Variants in SCIN observed in about 807,000 individuals in gnomAD.
SCIN encodes adseverin.
SCIN carries 91 observed loss-of-function variants against 91.8 expected under a neutral mutation model. The ratio of observed to expected loss-of-function variants is 0.99; its 90% CI spans 0.84 to 1.18. The LOEUF is 1.18. SCIN is among the 50% of genes most tolerant of loss of function. SCIN has a pLI of 0.00. For synonymous variants in SCIN, 367 were observed against 312.6 expected (o/e 1.17, Z -1.84); for missense variants, 1,087 against 863.9 (o/e 1.26, Z -3.24).
In SCIN at chr7:12,657,572, A is replaced by ATATATTTTTT. The variant is rs1554298408; in HGVS notation, c.*4858_*4859insATATTTTTTT. 1 of 22,088 alleles carries ATATATTTTTT rather than the reference A, an allele frequency of 4.5e-5. No individual in the cohort carries two copies. Among genetic ancestry groups the ATATATTTTTT allele is most frequent in the Non-Finnish European group, 1.3e-4 (1 of 7,720 alleles). 1.4% of individuals were successfully genotyped at this position (22,088 alleles called of 1,614,324 possible). ...TATATATATATATATATATATATAT[A>ATATATTTTTT]TTTTTTTTTTTTTTTTTTTTTTTTT... On this transcript the variant is annotated 3_prime_UTR_variant, in exon 16 of 16. Transcript: ENST00000297029.
intron 4 of SCIN, among the ~76,000 whole-genome samples, chr7:12,611,688 C>A (rs1168357790): frequency 1.3e-5 from 2 of 152,120 alleles, no homozygotes; most frequent in Non-Finnish European, 2.9e-5. Context: ...ATCCCTCTCA[C>A]GACCACTTTG....
At chr7:12,572,341 G>A (rs902422342) in intron 1 of SCIN, among the ~76,000 whole-genome samples, 1 of 152,156 alleles carries the variant, frequency 6.6e-6, no homozygotes, top group African/African-American at 2.4e-5. Flanking sequence ...GTAATACACA[G>A]TCATCTATTT....
rs937362669 is a variant in SCIN, at chr7:12,654,116, C to A, written c.*1401C>A. 4 of 151,820 alleles carry A rather than the reference C, an allele frequency of 2.6e-5. No homozygotes were observed. Among genetic ancestry groups the A allele is most frequent in the African/African-American group, 9.7e-5 (4 of 41,290 alleles). The allele number at this position is 151,820 out of a possible 1,614,324, so 9.4% of individuals were successfully genotyped here. Reference sequence around the variant, plus strand: ...AGCCAAAAGCTCAGAATTGTTGGGCCCTAAAGGATGAACAATGTAGGGTCC... The same window carrying A: ...AGCCAAAAGCTCAGAATTGTTGGGCACTAAAGGATGAACAATGTAGGGTCC... On this transcript the variant is annotated 3_prime_UTR_variant, in exon 16 of 16. Coordinates refer to ENST00000297029, the MANE Select transcript of SCIN (RefSeq NM_001112706.3).
In SCIN at chr7:12,578,213, T is replaced by G. The variant is rs1193989142; in HGVS notation, c.349T>G (p.Tyr117Asp). 1 of 1,546,506 alleles carries G rather than the reference T, an allele frequency of 6.5e-7. No individual in the cohort carries two copies. The highest frequency in any genetic ancestry group is 8.7e-7 in the Non-Finnish European group (1 of 1,144,732). The change falls in exon 2 of 16, where the codon TAC becomes GAC. Residue 117 changes from tyrosine to aspartate, a missense_variant. By Grantham distance (160) the Tyr-to-Asp change is radical. Coordinates refer to ENST00000297029, the MANE Select transcript of SCIN (RefSeq NM_001112706.3). ...TAGCTATTTCAAAGGCGGTCTGAAA[T>G]ACAAGGTAAGCAGCTCCCTCAGTTT... The part of the protein sequence containing the change: ...FVSYFKGGLK[Y>D]KAGGVASGLN...
intron 3 of SCIN, among the ~76,000 whole-genome samples, chr7:12,585,167 C>G (rs950485815): frequency 6.6e-6 from 1 of 152,208 alleles, no homozygotes; most frequent in Admixed American, 6.5e-5. Context: ...CAGACTTTCA[C>G]TCTCACAGTT....
intron 8 of SCIN, among the ~76,000 whole-genome samples, chr7:12,628,182 G>A (rs1379067579): frequency 6.6e-6 from 1 of 152,098 alleles, no homozygotes; most frequent in Non-Finnish European, 1.5e-5. Flanking sequence ...TGCTGAAGAT[G>A]AGGAGGCAGA....
At chr7:12,625,451 T>TTTTTTTTTTTTTTTTTTTTTTTTTTTC (rs1554295412) in intron 6 of SCIN, among the ~76,000 whole-genome samples, 1 of 146,638 alleles carries the variant, frequency 6.8e-6, no homozygotes. Context: ...TTTTTTTTTT[T>TTTTTTTTTTTTTTTTTTTTTTTTTTTC]CCGTCGCCCA....
intron 1 of SCIN, among the ~76,000 whole-genome samples, chr7:12,576,021 T>C (rs1358633696): frequency 6.6e-6 from 1 of 152,238 alleles, no homozygotes; most frequent in African/African-American, 2.4e-5. Context: ...AGTTCATTCA[T>C]TAACTTCATG....
At chr7:12,621,458 A>T (rs182113576) in intron 4 of SCIN, among the ~76,000 whole-genome samples, 229 of 152,116 alleles carry the variant, frequency 1.5e-3, no homozygotes, top group Admixed American at 2.7e-3. Flanking sequence ...GGGTCCGCCC[A>T]CTGGGAGGTT....
chr7:12,581,267 C>G, intron 3 of SCIN, 46 bp downstream of exon 3: 1 of 1,519,998 alleles, frequency 6.6e-7, no homozygotes, highest in Non-Finnish European at 8.9e-7. Flanking sequence ...AAGTGAATTG[C>G]TTTCGGATCA....
chr7:12,597,137 T>A (rs562378294), intron 3 of SCIN, among the ~76,000 whole-genome samples: 1 of 152,284 alleles, frequency 6.6e-6, no homozygotes, highest in African/African-American at 2.4e-5. Context: ...AAAATAGATA[T>A]AAAGAAACAT....
intron 2 of SCIN, among the ~76,000 whole-genome samples, chr7:12,579,878 C>T (rs1233254567): frequency 6.6e-6 from 1 of 152,208 alleles, no homozygotes; most frequent in Non-Finnish European, 1.5e-5. Flanking sequence ...CATGCCATTG[C>T]TCTCCAGCCT....
At position 12,652,664 on chromosome 7, in the gene SCIN, G is replaced by A; in HGVS notation, c.2097G>A (p.Glu699=). ...TPIVIIKQGH[E]PPTFTGWFLG... is the part of the protein sequence containing the mutation. Reference sequence around the variant, plus strand: ...TTGTCATCATAAAACAGGGCCATGAGCCACCCACATTCACAGGCTGGTTCC... The same window carrying A: ...TTGTCATCATAAAACAGGGCCATGAACCACCCACATTCACAGGCTGGTTCC... Residue 699 remains glutamate (E), a synonymous_variant, in exon 16 of 16, where the codon GAG becomes GAA. Coordinates refer to ENST00000297029, the MANE Select transcript of SCIN (RefSeq NM_001112706.3). 6.2e-7 allele frequency: 1 copy of A among 1,609,134 alleles called. No homozygotes were observed. The highest frequency in any genetic ancestry group is 8.5e-7 in the Non-Finnish European group (1 of 1,178,532).
At chr7:12,621,581 A>G (rs992059572) in intron 4 of SCIN, among the ~76,000 whole-genome samples, 2 of 151,374 alleles carry the variant, frequency 1.3e-5, no homozygotes, top group African/African-American at 4.9e-5. Context: ...CTTACAAGCT[A>G]TACATACTTC....
At chr7:12,613,178 A>G (rs1310512989) in intron 4 of SCIN, among the ~76,000 whole-genome samples, 2 of 152,120 alleles carry the variant, frequency 1.3e-5, no homozygotes, top group Non-Finnish European at 2.9e-5. Context: ...TTAGTGTTCC[A>G]CTTGTCACAA....
chr7:12,644,159 C>G lies in SCIN; in HGVS notation c.1603C>G (p.Leu535Val), dbSNP rs1251357677. 3 of 1,612,632 alleles carry G rather than the reference C, an allele frequency of 1.9e-6. No individual in the cohort carries two copies. Among genetic ancestry groups the G allele is most frequent in the Non-Finnish European group, 2.5e-6 (3 of 1,179,324 alleles). The change falls in exon 12 of 16, where the codon CTG becomes GTG. Residue 535 changes from leucine (L) to valine (V), a missense_variant. Physicochemically the swap from Leu to Val is conservative, Grantham distance 32. Coordinates refer to ENST00000297029, the MANE Select transcript of SCIN (RefSeq NM_001112706.3). ...CCAGGTTGATGTTGATGCAAATTCA[C>G]TGAATTCTAACGATGTTTTTGTCCT... Reference protein sequence around the residue: ...IVEVDVDANSLNSNDVFVLKL... With the variant: ...IVEVDVDANSVNSNDVFVLKL...
chr7:12,575,752 A>T, intron 1 of SCIN, among the ~76,000 whole-genome samples: 1 of 152,150 alleles, frequency 6.6e-6, no homozygotes, highest in African/African-American at 2.4e-5. Context: ...GGAAATCATA[A>T]GCAGATTCGT....
rs369386974 is a variant in SCIN at position 12,651,621 on chromosome 7, C to A, written c.1960-220C>A. Among the ~76,000 whole-genome samples the A allele has an allele frequency of 4.6e-5, 7 of 151,904 alleles. No individual in the cohort carries two copies. The highest frequency in any genetic ancestry group is 1.7e-4 in the African/African-American group (7 of 41,428). ...AACATAAAATATCCAAGTGTGAAAT[C>A]TGAAGTGAAACAGGCTGGATGTAGA... On this transcript the variant is annotated intron_variant, in intron 14 of 15. Coordinates refer to ENST00000297029, the MANE Select transcript of SCIN (RefSeq NM_001112706.3). The surrounding 1 kb of genome is among the most constrained non-coding windows in gnomAD (Gnocchi z 5.9).
chr7:12,578,072 T>C lies in SCIN; in HGVS notation c.208T>C (p.Cys70Arg), dbSNP rs780419992. 3.5e-5 allele frequency: 54 copies of C among 1,542,948 alleles called. No individual in the cohort carries two copies. Among genetic ancestry groups the C allele is most frequent in the Admixed American group, 2.0e-5 (1 of 49,408 alleles). The change falls in exon 2 of 16, where the codon TGT becomes CGT. Residue 70 changes from cysteine to arginine, a missense_variant. Cys to Arg is a radical substitution (Grantham distance 180, BLOSUM62 -3). Transcript: ENST00000297029. ...YHLHFWLGKE[C>R]SQDESTAAAI... Reference sequence around the variant, plus strand: ...GTTGTTCACTGTTTTAGGAAAGGAGTGTTCCCAGGATGAAAGCACAGCTGC... The same window carrying C: ...GTTGTTCACTGTTTTAGGAAAGGAGCGTTCCCAGGATGAAAGCACAGCTGC...
Sources: allele counts gnomAD v4.1 joint callset (sites outside exome capture counted in the v4.1 genomes callset), GRCh38; gene constraint gnomAD v4.1.1; non-coding constraint Gnocchi (gnomAD v3.1); transcripts MANE v1.5; gene names NCBI Gene and HGNC (gene_info 2026-07-23, HGNC 2026-07-21).